Variants in LSAMP observed in about 807,000 individuals in gnomAD.
LSAMP encodes limbic system associated membrane protein, also known as limbic system-associated membrane protein.
Under a neutral mutation model 38.6 loss-of-function variants are expected in LSAMP, and 7 were observed. The observed-to-expected ratio is 0.18, with a 90% CI of 0.10 to 0.34. The LOEUF (loss-of-function observed/expected upper bound fraction) is 0.34, where lower values mean the gene tolerates loss of function less well. LSAMP is among the 10% of genes least tolerant of loss of function. The probability of loss-of-function intolerance (pLI) is 1.00; values close to 1 mark genes in which losing one functional copy is unlikely to be tolerated. For synonymous variants in LSAMP, 154 were observed against 166.8 expected (o/e 0.92, Z 0.59); for missense variants, 313 against 420.0 (o/e 0.75, Z 2.23).
intron 1 of LSAMP, among the ~76,000 whole-genome samples, chr3:116,146,019 CA>C: frequency 6.6e-6 from 1 of 151,942 alleles, no homozygotes; most frequent in Middle Eastern, 3.4e-3. Flanking sequence ...TAAGTCAGTG[CA>C]GTCTTGGTTT....
chr3:116,157,325 G>T (rs753563007), intron 1 of LSAMP, among the ~76,000 whole-genome samples: 5 of 152,064 alleles, frequency 3.3e-5, no homozygotes, highest in Non-Finnish European at 7.4e-5. Context: ...AGGAAAAGGG[G>T]CATTTCTGAA....
intron 2 of LSAMP, among the ~76,000 whole-genome samples, chr3:116,068,894 A>G (rs1707527106): frequency 6.6e-6 from 1 of 152,242 alleles, no homozygotes; most frequent in Non-Finnish European, 1.5e-5. Context: ...CAGCTATGTT[A>G]TAAAGTGGAA....
rs112260452 is a variant in LSAMP, at chr3:116,202,245, C to T, written c.156-115689G>A. 3.5e-3 allele frequency among the ~76,000 whole-genome samples: 526 copies of T among 151,936 alleles called. 3 individuals carry two copies. The highest frequency in any genetic ancestry group is 0.012 in the African/African-American group (495 of 41,432). ...CCACCTCCCAGGTTCAAGTGATTCTCCTGCCTCAGCCTCCTGAGTAGTTGG... is the reference window on the plus strand; with the variant it reads ...CCACCTCCCAGGTTCAAGTGATTCTTCTGCCTCAGCCTCCTGAGTAGTTGG... On this transcript the variant is annotated intron_variant, in intron 1 of 6. Transcript: ENST00000490035.
At chr3:116,004,326 C>T (rs1940088064) in intron 3 of LSAMP, among the ~76,000 whole-genome samples, 1 of 151,802 alleles carries the variant, frequency 6.6e-6, no homozygotes, top group South Asian at 2.1e-4. Flanking sequence ...TATAGTGATA[C>T]AAGCAACAAA....
chr3:116,280,789 A>G (rs888709670), intron 1 of LSAMP, among the ~76,000 whole-genome samples: 1 of 152,206 alleles, frequency 6.6e-6, no homozygotes, highest in Non-Finnish European at 1.5e-5. Context: ...TAGCCAGTGA[A>G]AGTGGCCATT....
chr3:116,188,491 T>C (rs1478604260), intron 1 of LSAMP, among the ~76,000 whole-genome samples: 8 of 152,190 alleles, frequency 5.3e-5, no homozygotes, highest in Non-Finnish European at 7.3e-5. Flanking sequence ...CTGCTTTTCA[T>C]TGGCAGCTGC....
chr3:116,376,296 CA>C (rs1476357948), intron 1 of LSAMP, among the ~76,000 whole-genome samples: 1 of 151,966 alleles, frequency 6.6e-6, no homozygotes, highest in Non-Finnish European at 1.5e-5. Context: ...TTCTCAAATA[CA>C]AAAACTTTGT....
chr3:115,917,343 GC>G (rs1165341985), intron 3 of LSAMP, among the ~76,000 whole-genome samples: 1 of 151,960 alleles, frequency 6.6e-6, no homozygotes, highest in African/African-American at 2.4e-5. Flanking sequence ...CTATATTGTT[GC>G]TGCCTTCTGA....
chr3:116,103,809 G>A (rs1161299338), intron 1 of LSAMP, among the ~76,000 whole-genome samples: 2 of 151,946 alleles, frequency 1.3e-5, no homozygotes, highest in Non-Finnish European at 2.9e-5. Flanking sequence ...TTTTCTAAGT[G>A]TATCAGTGCA....
At chr3:116,086,685 A>C (rs1282411102) in intron 1 of LSAMP, 129 bp from the exon 2 acceptor site, 4 of 701,410 alleles carry the variant, frequency 5.7e-6, no homozygotes, top group Non-Finnish European at 9.8e-6. Context: ...TTGCCATGCC[A>C]TTCTTGGAGT....
chr3:116,400,969 A>G (rs2048833569), intron 1 of LSAMP, among the ~76,000 whole-genome samples: 1 of 152,118 alleles, frequency 6.6e-6, no homozygotes, highest in African/African-American at 2.4e-5. Context: ...ATAGTGTCCC[A>G]CCTCTCTTTC....
intron 3 of LSAMP, among the ~76,000 whole-genome samples, chr3:115,942,803 T>C (rs971651694): frequency 6.6e-6 from 1 of 152,196 alleles, no homozygotes; most frequent in African/African-American, 2.4e-5. Flanking sequence ...TTTGGGAAGC[T>C]GGATAAAAAC....
At chr3:116,410,318 G>A (rs1296120405) in intron 1 of LSAMP, among the ~76,000 whole-genome samples, 1 of 151,898 alleles carries the variant, frequency 6.6e-6, no homozygotes, top group Non-Finnish European at 1.5e-5. Context: ...GCTCAGAAAA[G>A]GGATTTTTGA....
intron 3 of LSAMP, among the ~76,000 whole-genome samples, chr3:115,855,415 T>G (rs999384571): frequency 1.3e-5 from 2 of 152,210 alleles, no homozygotes; most frequent in Non-Finnish European, 2.9e-5. Context: ...TTCAATCTCA[T>G]GTCTCTAGAA....
intron 3 of LSAMP, among the ~76,000 whole-genome samples, chr3:115,921,780 C>T (rs1187537885): frequency 6.6e-6 from 1 of 151,980 alleles, no homozygotes. Context: ...TATGCAATGT[C>T]CTTATTTCTG....
At chr3:115,897,897 C>A (rs1182844746) in intron 3 of LSAMP, among the ~76,000 whole-genome samples, 1 of 152,088 alleles carries the variant, frequency 6.6e-6, no homozygotes, top group Non-Finnish European at 1.5e-5. Flanking sequence ...ATGAGAGGAA[C>A]AATGTCAAGA....
At position 116,321,706 on chromosome 3, in the gene LSAMP, A is replaced by G. The variant is rs145213415; in HGVS notation, c.155+123171T>C. 9.9e-5 allele frequency among the ~76,000 whole-genome samples: 15 copies of G among 152,204 alleles called. No homozygotes were observed. In the East Asian group the frequency reaches 2.9e-3, roughly 29 times the overall value. On this transcript the variant is annotated intron_variant, in intron 1 of 6. Coordinates refer to ENST00000490035, the MANE Select transcript of LSAMP (RefSeq NM_002338.5). ...TTTAGAGTGCCTCTCTGACACACAA[A>G]CTCACACACTCATTCTTAGAACCAT... is the stretch of plus-strand genomic sequence containing the variant.
intron 1 of LSAMP, among the ~76,000 whole-genome samples, chr3:116,336,614 A>G (rs2047922799): frequency 6.6e-6 from 1 of 151,968 alleles, no homozygotes; most frequent in Non-Finnish European, 1.5e-5. Flanking sequence ...AAAAGAACAG[A>G]AGGCTACTGT....
At chr3:116,219,327 C>T (rs1447553466) in intron 1 of LSAMP, among the ~76,000 whole-genome samples, 2 of 152,246 alleles carry the variant, frequency 1.3e-5, no homozygotes, top group East Asian at 3.9e-4. Flanking sequence ...GTGTATATGC[C>T]AAACTGTCTT....
Sources: gnomAD v4.1 joint callset for allele counts (sites outside exome capture counted in the v4.1 genomes callset) on GRCh38, gnomAD v4.1.1 for gene constraint, MANE v1.5 for transcripts, NCBI Gene and HGNC (gene_info 2026-07-23, HGNC 2026-07-21) for gene names.